FBXW8: variants seen among roughly 807,000 people sequenced by gnomAD.
The protein encoded by FBXW8 is F-box/WD repeat-containing protein 8.
FBXW8 carries 57 observed loss-of-function variants against 65.3 expected under a neutral mutation model. The observed-to-expected ratio is 0.87, with a 90% confidence interval of 0.71 to 1.09. FBXW8 has a LOEUF of 1.09. Among genes scored for constraint, FBXW8 ranks in the 50% least tolerant of loss-of-function variants. The probability of loss-of-function intolerance (pLI) is 0.00; values close to 1 mark genes in which losing one functional copy is unlikely to be tolerated. For synonymous variants in FBXW8, 308 were observed against 330.2 expected, an observed-to-expected ratio of 0.93 and a Z score of 0.73; for missense variants, 777 against 814.8, an observed-to-expected ratio of 0.95 and a Z score of 0.57.
intron 4 of FBXW8, among the ~76,000 whole-genome samples, chr12:116,953,111 A>G (rs1300330816): frequency 2.6e-5 from 4 of 152,238 alleles, no homozygotes; most frequent in Non-Finnish European, 4.4e-5. Flanking sequence ...TGGAGTAAGC[A>G]TTAAAACTTA....
chr12:116,964,258 C>A (rs1191058614), intron 4 of FBXW8, among the ~76,000 whole-genome samples: 1 of 152,202 alleles, frequency 6.6e-6, no homozygotes, highest in East Asian at 1.9e-4. Flanking sequence ...AAGCCTGTGC[C>A]TGTGAGACCA....
At position 116,997,124 on chromosome 12, in the gene FBXW8, GTTC is replaced by G. The variant is rs1407574531; in HGVS notation, c.1239+8260_1239+8262del. Among the ~76,000 whole-genome samples the G allele has an allele frequency of 3.9e-5, 6 of 152,264 alleles. No homozygotes were observed. The South Asian group carries it at 1.2e-3, about 32-fold the overall frequency. On this transcript the variant is annotated intron_variant, in intron 7 of 10. Coordinates refer to ENST00000652555, the MANE Select transcript of FBXW8 (RefSeq NM_153348.3). ...TGGTTAATAATAAATAATAAATACA[GTTC>G]TTCTCACTTGTGAAAACCCTGTAGC...
intron 8 of FBXW8, among the ~76,000 whole-genome samples, chr12:117,013,508 G>A (rs548398641): frequency 2.0e-5 from 3 of 152,112 alleles, no homozygotes; most frequent in South Asian, 2.1e-4. Flanking sequence ...AGTGATGCAC[G>A]TCGGCATTAG....
At chr12:117,006,717 C>T (rs1953684541) in intron 7 of FBXW8, among the ~76,000 whole-genome samples, 1 of 152,244 alleles carries the variant, frequency 6.6e-6, no homozygotes, top group Non-Finnish European at 1.5e-5. Context: ...AAGAGGTGGG[C>T]TCTGTCAGCT....
Position 116,945,463 on chromosome 12 carries a change from T to G in FBXW8, c.523T>G (p.Ser175Ala). 1.2e-6 allele frequency: 2 copies of G among 1,614,190 alleles called. No individual in the cohort carries two copies. Among genetic ancestry groups the G allele is most frequent in the Non-Finnish European group, 1.7e-6 (2 of 1,180,032 alleles). Residue 175 changes from serine (S) to alanine (A), a missense_variant, in exon 3 of 11, where the codon TCT becomes GCT. Transcript: ENST00000652555. ...HLPDSSISDY[S>A]CWKLIFQECR... ...TCCGGATAGCAGCATCTCTGACTATTCTTGCTGGAAGCTCATCTTCCAAGA... is the reference window on the plus strand; with the variant it reads ...TCCGGATAGCAGCATCTCTGACTATGCTTGCTGGAAGCTCATCTTCCAAGA...
chr12:116,928,490 T>C (rs1028126286), intron 2 of FBXW8, among the ~76,000 whole-genome samples: 2 of 152,188 alleles, frequency 1.3e-5, no homozygotes, highest in African/African-American at 4.8e-5. Context: ...AAATCGAGCC[T>C]GTTATTAGGT....
At chr12:117,010,184 A>G in intron 7 of FBXW8, 139 bp from the exon 8 acceptor site, 12 of 1,294,228 alleles carry the variant, frequency 9.3e-6, no homozygotes, top group Non-Finnish European at 9.6e-6. Context: ...CCTGAAAAAG[A>G]TCAGGAAATT....
intron 4 of FBXW8, among the ~76,000 whole-genome samples, chr12:116,955,126 A>G (rs543480075): frequency 5.9e-5 from 9 of 152,050 alleles, no homozygotes; most frequent in African/African-American, 2.2e-4. Context: ...CAAGTGTGTA[A>G]GAAAGGAAAA....
chr12:117,028,024 C>A lies in FBXW8; in HGVS notation c.1653-4C>A. On this transcript the variant is annotated splice_polypyrimidine_tract_variant and splice_region_variant and intron_variant, in intron 10 of 10. Coordinates refer to ENST00000652555, the MANE Select transcript of FBXW8 (RefSeq NM_153348.3). The surrounding 1 kb of genome is among the most constrained non-coding windows in gnomAD (Gnocchi z 4.1). ...ACCTGTCACCATCTTTGTGCTCTTT[C>A]TAGACACCGGGGGCTGATCCGCGCC... is the stretch of plus-strand genomic sequence containing the variant. 3 of 1,613,984 alleles carry A rather than the reference C, an allele frequency of 1.9e-6. No homozygotes were observed. Among genetic ancestry groups the A allele is most frequent in the Non-Finnish European group, 2.5e-6 (3 of 1,180,012 alleles).
rs1200729193 is a variant in FBXW8, at chr12:117,028,158, T to C, written c.1783T>C (p.Tyr595His). The change falls in exon 11 of 11, where the codon TAT becomes CAT. Residue 595 changes from tyrosine (Y) to histidine (H), a missense_variant. Physicochemically the swap from Tyr to His is moderately conservative, Grantham distance 83. Transcript: ENST00000652555. This position sits in a 1 kb window ranked among gnomAD's most constrained non-coding sequence, Gnocchi z 4.1. ...CTACGACCTCGCACTGGCCTTTCCC[T>C]ATAACCATGTTTAGGGATGTGCCTC... ...HYYDLALAFPYNHV is the reference protein window; with the variant it reads ...HYYDLALAFPHNHV 1 of 1,614,094 alleles carries C rather than the reference T, an allele frequency of 6.2e-7. No homozygotes were observed.
At chr12:116,941,925 C>T (rs1003827463) in intron 2 of FBXW8, among the ~76,000 whole-genome samples, 16 of 152,140 alleles carry the variant, frequency 1.1e-4, no homozygotes. Context: ...GCACCAAAAA[C>T]TCTGCTCTGA....
chr12:116,986,171 A>T (rs1188393414), intron 6 of FBXW8: 2 of 152,188 alleles, frequency 1.3e-5, no homozygotes, highest in East Asian at 3.9e-4. Context: ...CCTGGAACCA[A>T]TCCTGTTCCT....
At chr12:117,005,315 C>T (rs1476311578) in intron 7 of FBXW8, among the ~76,000 whole-genome samples, 1 of 152,186 alleles carries the variant, frequency 6.6e-6, no homozygotes, top group Non-Finnish European at 1.5e-5. Flanking sequence ...CAAATGCAGG[C>T]ACTTAGTGAG....
At chr12:117,021,950 T>C (rs780402646) in intron 8 of FBXW8, among the ~76,000 whole-genome samples, 8 of 152,208 alleles carry the variant, frequency 5.3e-5, no homozygotes, top group African/African-American at 1.9e-4. Flanking sequence ...CATCTTGCTG[T>C]GGAGTCTGTT....
rs4529958 is a variant in FBXW8, at chr12:117,028,052, T to C, written c.1677T>C (p.Tyr559=). 1,392,105 of 1,613,976 alleles carry C rather than the reference T, an allele frequency of 0.86. 602,276 individuals are homozygous for C. Among genetic ancestry groups the C allele is most frequent in the East Asian group, 1 (44,685 of 44,858 alleles). Reference sequence around the variant, plus strand: ...GACACCGGGGGCTGATCCGCGCCTATGAGTTTGCGGTGGACCAGCTGGCCT... The same window carrying C: ...GACACCGGGGGCTGATCCGCGCCTACGAGTTTGCGGTGGACCAGCTGGCCT... ...HRRHRGLIRA[Y]EFAVDQLAFQ... is the part of the protein sequence containing the mutation. Residue 559 remains tyrosine (Y), a synonymous_variant, in exon 11 of 11, where the codon TAT becomes TAC. Coordinates refer to ENST00000652555, the MANE Select transcript of FBXW8 (RefSeq NM_153348.3). This position sits in a 1 kb window ranked among gnomAD's most constrained non-coding sequence, Gnocchi z 4.1.
intron 9 of FBXW8, among the ~76,000 whole-genome samples, chr12:117,025,185 C>A (rs779624999): frequency 6.6e-6 from 1 of 152,198 alleles, no homozygotes; most frequent in Non-Finnish European, 1.5e-5. Flanking sequence ...GCCCTCAGCA[C>A]CACTGTGAAG....
chr12:116,997,461 C>T (rs1953403091), intron 7 of FBXW8, among the ~76,000 whole-genome samples: 1 of 152,212 alleles, frequency 6.6e-6, no homozygotes, highest in Admixed American at 6.5e-5. Flanking sequence ...TTAGGCAAGT[C>T]ACTTGCTTTG....
intron 3 of FBXW8, 27 bp from the exon 4 acceptor site, chr12:116,949,591 A>C (rs1272379246): frequency 1.9e-6 from 3 of 1,610,548 alleles, no homozygotes; most frequent in Non-Finnish European, 2.5e-6. Flanking sequence ...GAGCAGTCTA[A>C]ACTGCATCCC....
intron 7 of FBXW8, among the ~76,000 whole-genome samples, chr12:117,010,092 A>G (rs77844356): frequency 0.03 from 4,558 of 152,234 alleles, 229 homozygotes; most frequent in African/African-American, 0.1. Context: ...CCTTGGCTTG[A>G]GGAATTCGCT....
Sources: allele counts gnomAD v4.1 joint callset (sites outside exome capture counted in the v4.1 genomes callset), GRCh38; gene constraint gnomAD v4.1.1; non-coding constraint Gnocchi (gnomAD v3.1); transcripts MANE v1.5; gene names NCBI Gene and HGNC (gene_info 2026-07-23, HGNC 2026-07-21).